Variants in AK9 observed in about 807,000 individuals in gnomAD.
AK9 encodes the protein adenylate kinase 9, also known as adenylate kinase domain containing 1.
A neutral mutation model predicts 239.6 loss-of-function variants in AK9; 191 were observed. That is an observed-to-expected ratio of 0.80 (90% CI 0.71 to 0.90). The LOEUF is 0.90. Ranked by LOEUF, AK9 falls within the 40% of genes least tolerant of loss-of-function variation. The pLI is 0.00. For synonymous variants in AK9, 689 were observed against 721.0 expected, an observed-to-expected ratio of 0.96 and a Z score of 0.71; for missense variants, 1,995 against 2,214.7, an observed-to-expected ratio of 0.90 and a Z score of 1.99.
At chr6:109,634,478 G>A (rs1247295053) in intron 10 of AK9, among the ~76,000 whole-genome samples, 5 of 152,182 alleles carry the variant, frequency 3.3e-5, no homozygotes, top group Non-Finnish European at 7.3e-5. Flanking sequence ...GGGGAAAACT[G>A]CTCCCCCCAA....
At chr6:109,611,614 G>C (rs1793595056) in intron 16 of AK9, among the ~76,000 whole-genome samples, 1 of 152,122 alleles carries the variant, frequency 6.6e-6, no homozygotes, top group Non-Finnish European at 1.5e-5. Context: ...CCTCACACTT[G>C]GCTGACTCAG....
chr6:109,576,022 T>C (rs1170352130), intron 20 of AK9, among the ~76,000 whole-genome samples: 1 of 152,188 alleles, frequency 6.6e-6, no homozygotes, highest in Non-Finnish European at 1.5e-5. Flanking sequence ...TTCTGTTCCA[T>C]TGGTCTATGT....
intron 1 of AK9, among the ~76,000 whole-genome samples, chr6:109,678,984 T>C (rs1358208516): frequency 6.6e-6 from 1 of 152,198 alleles, no homozygotes; most frequent in Non-Finnish European, 1.5e-5. Context: ...TTCCCTCTGA[T>C]GCCTACGCCA....
At chr6:109,596,709 T>C (rs1220361246) in intron 17 of AK9, among the ~76,000 whole-genome samples, 1 of 152,200 alleles carries the variant, frequency 6.6e-6, no homozygotes, top group Non-Finnish European at 1.5e-5. Flanking sequence ...ACAAAGTGAC[T>C]GGGTTTTATA....
intron 39 of AK9, chr6:109,494,552 C>T (rs963810530): frequency 2.0e-5 from 3 of 153,208 alleles, no homozygotes; most frequent in Non-Finnish European, 4.4e-5. Context: ...TGGCAAGATT[C>T]CAGAGCCCAG....
At chr6:109,576,297 A>T (rs1213953448) in intron 20 of AK9, among the ~76,000 whole-genome samples, 1 of 151,334 alleles carries the variant, frequency 6.6e-6, no homozygotes, top group Non-Finnish European at 1.5e-5. Flanking sequence ...GATTCTACCC[A>T]TCCATGAGCA....
In AK9 at chr6:109,506,453, C is replaced by A. The variant is rs748111806; in HGVS notation, c.4723G>T (p.Glu1575Ter). 6.2e-7 allele frequency: 1 copy of A among 1,613,718 alleles called. No individual in the cohort carries two copies. The highest frequency in any genetic ancestry group is 1.3e-5 in the African/African-American group (1 of 74,994). The change falls in exon 35 of 41, where the codon GAA becomes TAA. Residue 1575 changes from glutamate to a stop codon, truncating the protein, a stop_gained. Coordinates refer to ENST00000424296, the MANE Select transcript of AK9 (RefSeq NM_001145128.3). LOFTEE classifies it high-confidence loss of function. ...ATCACATACCAGTTCTGATGCTGTT[C>A]TTGATAATATTGCCTAATCTCACCA... ...NIGEIRQYYQEQHQNWYVIDG... is the reference protein window; with the variant it reads ...NIGEIRQYYQ
chr6:109,660,941 A>G (rs1800337434), intron 6 of AK9: 1 of 508,336 alleles, frequency 2.0e-6, no homozygotes, highest in Non-Finnish European at 3.9e-6. Context: ...TTTTGGTAGC[A>G]CAGAATCCTT....
chr6:109,641,142 A>AATAT (rs34481434), intron 10 of AK9, among the ~76,000 whole-genome samples: 11 of 145,372 alleles, frequency 7.6e-5, no homozygotes, highest in South Asian at 2.2e-4. Flanking sequence ...TATATGAATA[A>AATAT]ATATATATAT....
chr6:109,668,244 G>C (rs79375303), intron 5 of AK9, among the ~76,000 whole-genome samples: 1 of 150,972 alleles, frequency 6.6e-6, no homozygotes, highest in African/African-American at 2.4e-5. Context: ...TTTTTGATGG[G>C]GTTTTTTTTT....
intron 12 of AK9, among the ~76,000 whole-genome samples, chr6:109,623,051 G>A (rs1333498077): frequency 3.9e-5 from 6 of 151,924 alleles, no homozygotes; most frequent in African/African-American, 1.5e-4. Context: ...TCAGGGAGGT[G>A]GTATCCTTTT....
intron 24 of AK9, among the ~76,000 whole-genome samples, chr6:109,550,963 G>A (rs990401393): frequency 5.3e-5 from 8 of 151,506 alleles, no homozygotes; most frequent in African/African-American, 1.7e-4. Flanking sequence ...TCTTTTCACC[G>A]TTTTTCTTCC....
intron 29 of AK9, among the ~76,000 whole-genome samples, chr6:109,518,281 G>A (rs958423042): frequency 2.3e-4 from 35 of 152,052 alleles, no homozygotes; most frequent in African/African-American, 2.9e-4. Context: ...GTTCTGGTTC[G>A]TTTTAAAGAA....
chr6:109,566,881 T>G (rs1275483806), intron 21 of AK9, among the ~76,000 whole-genome samples: 1 of 152,058 alleles, frequency 6.6e-6, no homozygotes, highest in Non-Finnish European at 1.5e-5. Flanking sequence ...TTGAAACCAA[T>G]GAGAACAAGG....
intron 24 of AK9, among the ~76,000 whole-genome samples, chr6:109,554,525 C>CTT (rs3060760): frequency 5.6e-4 from 43 of 77,408 alleles, no homozygotes; most frequent in Non-Finnish European, 6.8e-4. Flanking sequence ...TATTTCTTTT[C>CTT]TTTTTTTTTT....
chr6:109,683,052 A>G (rs2128356385), intron 1 of AK9, among the ~76,000 whole-genome samples: 1 of 152,302 alleles, frequency 6.6e-6, no homozygotes, highest in East Asian at 1.9e-4. Flanking sequence ...TATCCACCAC[A>G]ATCAAGTCAG....
intron 21 of AK9, among the ~76,000 whole-genome samples, chr6:109,568,501 A>T (rs1229052325): frequency 6.6e-6 from 1 of 152,214 alleles, no homozygotes; most frequent in African/African-American, 2.4e-5. Context: ...CCCTGTTTGC[A>T]AATGACATGA....
intron 24 of AK9, 106 bp downstream of exon 24, chr6:109,563,491 T>G (rs1786041165): frequency 6.9e-4 from 992 of 1,431,198 alleles, no homozygotes; most frequent in Non-Finnish European, 8.2e-4. Flanking sequence ...TGTGTGCAAA[T>G]GAGAATGTCT....
At chr6:109,596,160 G>C (rs187329954) in intron 17 of AK9, among the ~76,000 whole-genome samples, 1 of 152,270 alleles carries the variant, frequency 6.6e-6, no homozygotes, top group South Asian at 2.1e-4. Context: ...GATCTTTATC[G>C]TGGGAAGCTC....
Sources: allele counts gnomAD v4.1 joint callset (sites outside exome capture counted in the v4.1 genomes callset), GRCh38; gene constraint gnomAD v4.1.1; transcripts MANE v1.5; gene names NCBI Gene and HGNC (gene_info 2026-07-23, HGNC 2026-07-21).